The following AHI1 variants were observed in gnomAD, a reference collection of about 807,000 sequenced individuals.
AHI1 encodes Abelson helper integration site 1.
AHI1 carries 123 observed loss-of-function variants against 149.3 expected under a neutral mutation model. The ratio of observed to expected loss-of-function variants is 0.82; its 90% confidence interval spans 0.71 to 0.96. The LOEUF (loss-of-function observed/expected upper bound fraction) is 0.96, where lower values mean the gene tolerates loss of function less well. Ranked by LOEUF, AHI1 falls within the 40% of genes least tolerant of loss-of-function variation. The pLI, the probability that AHI1 is intolerant of heterozygous loss-of-function variation, is 0.00. For missense variants in AHI1, 1,439 were observed against 1,422.7 expected, an observed-to-expected ratio of 1.01 and a Z score of -0.18; for synonymous variants, 475 against 459.8, an observed-to-expected ratio of 1.03 and a Z score of -0.42.
intron 23 of AHI1, among the ~76,000 whole-genome samples, chr6:135,376,843 T>C (rs1384213077): frequency 1.6e-5 from 2 of 122,784 alleles, no homozygotes; most frequent in African/African-American, 3.3e-5. Flanking sequence ...GATCGCATCA[T>C]TGCAATCCAG....
At chr6:135,316,269 A>C (rs530745627) in intron 26 of AHI1, among the ~76,000 whole-genome samples, 2 of 152,108 alleles carry the variant, frequency 1.3e-5, no homozygotes, top group African/African-American at 4.8e-5. Flanking sequence ...TTAATATATA[A>C]TTTTACATCT....
In AHI1 at chr6:135,482,894, CTT is replaced by C. The variant is rs761997683; in HGVS notation, c.135+7727_135+7728del. ...TTCAACCAGTATAATCCATTTAAGG[CTT>C]TTTTTTTTTTTTTGAGACAGAGTCT... is the stretch of plus-strand genomic sequence containing the variant. On this transcript the variant is annotated intron_variant, in intron 5 of 28. Coordinates refer to ENST00000265602, the MANE Select transcript of AHI1 (RefSeq NM_001134831.2). Among the ~76,000 whole-genome samples, 15 of 55,734 alleles carry C rather than the reference CTT, an allele frequency of 2.7e-4. 2 individuals are homozygous for C. The highest frequency in any genetic ancestry group is 4.2e-4 in the Non-Finnish European group (15 of 35,358). 36.6% of individuals were successfully genotyped at this position (55,734 alleles called of 152,430 possible).
chr6:135,482,103 CCA>C (rs1239949005), intron 5 of AHI1, among the ~76,000 whole-genome samples: 2 of 151,950 alleles, frequency 1.3e-5, no homozygotes, highest in Admixed American at 6.6e-5. Context: ...TGTATTGTTT[CCA>C]CACAGTCTAC....
intron 27 of AHI1, among the ~76,000 whole-genome samples, chr6:135,293,560 G>A (rs1166440228): frequency 6.7e-6 from 1 of 149,928 alleles, no homozygotes; most frequent in Non-Finnish European, 1.5e-5. Flanking sequence ...GAGTTTAGTA[G>A]GTTCGCATAA....
intron 23 of AHI1, among the ~76,000 whole-genome samples, chr6:135,376,881 C>CA (rs1167083326): frequency 0.015 from 455 of 29,444 alleles, 127 homozygotes; most frequent in Non-Finnish European, 0.017. Context: ...GACTCCATCT[C>CA]AAAAAAAAAA....
chr6:135,453,292 T>C (rs747167185), intron 11 of AHI1, 49 bp downstream of exon 11: 267 of 1,416,422 alleles, frequency 1.9e-4, no homozygotes, highest in Non-Finnish European at 2.4e-4. Flanking sequence ...AGCAGCCAAC[T>C]AAATTTGAAG....
chr6:135,470,900 A>G (rs979618796), intron 5 of AHI1, among the ~76,000 whole-genome samples: 3 of 152,178 alleles, frequency 2.0e-5, no homozygotes, highest in Non-Finnish European at 4.4e-5. Flanking sequence ...CAAGTCCTAC[A>G]CATGTATCCT....
At chr6:135,428,106 T>C (rs1784155767) in intron 19 of AHI1, among the ~76,000 whole-genome samples, 1 of 151,706 alleles carries the variant, frequency 6.6e-6, no homozygotes, top group Non-Finnish European at 1.5e-5. Context: ...AGCTTTAGCT[T>C]TTCTTTTGAA....
intron 19 of AHI1, among the ~76,000 whole-genome samples, 165 bp downstream of exon 19, chr6:135,428,464 G>A (rs138612060): frequency 1.3e-5 from 2 of 151,618 alleles, no homozygotes; most frequent in East Asian, 3.8e-4. Context: ...TACAAGTTTA[G>A]ACTGTAGCTG....
intron 17 of AHI1, 57 bp from the exon 18 acceptor site, chr6:135,430,057 T>C (rs1162079783): frequency 1.1e-6 from 1 of 909,204 alleles, no homozygotes; most frequent in Non-Finnish European, 1.7e-6. Context: ...TTAAACTTTT[T>C]TGGGGGTACA....
chr6:135,438,620 AT>A (rs1419357732), intron 14 of AHI1, 122 bp from the exon 15 acceptor site: 54 of 762,986 alleles, frequency 7.1e-5, no homozygotes, highest in Non-Finnish European at 8.6e-5. Flanking sequence ...AACCAAAGAC[AT>A]TTGCAGCACA....
intron 26 of AHI1, chr6:135,302,724 C>T: frequency 7.9e-7 from 1 of 1,269,954 alleles, no homozygotes; most frequent in Non-Finnish European, 1.0e-6. Flanking sequence ...ATTCCTTGGT[C>T]TCAGCAGCAG....
chr6:135,380,291 A>G (rs1050113223), intron 23 of AHI1, among the ~76,000 whole-genome samples: 1 of 152,098 alleles, frequency 6.6e-6, no homozygotes. Context: ...ATGAACACAT[A>G]GACTTTTTTC....
chr6:135,487,776 A>AT (rs1198106407), intron 5 of AHI1, among the ~76,000 whole-genome samples: 1 of 152,104 alleles, frequency 6.6e-6, no homozygotes, highest in African/African-American at 2.4e-5. Flanking sequence ...CCTTCTAACT[A>AT]TATTTTTGTA....
chr6:135,409,021 T>C (rs1023464907), intron 21 of AHI1, among the ~76,000 whole-genome samples: 5 of 152,194 alleles, frequency 3.3e-5, no homozygotes, highest in Non-Finnish European at 7.4e-5. Context: ...ACTTTTCTTA[T>C]GAGTAGTGAG....
At chr6:135,295,036 A>G (rs1392816504) in intron 27 of AHI1, among the ~76,000 whole-genome samples, 1 of 152,250 alleles carries the variant, frequency 6.6e-6, no homozygotes, top group Admixed American at 6.5e-5. Context: ...CATAGTTGAT[A>G]AAGAACATAT....
intron 21 of AHI1, among the ~76,000 whole-genome samples, chr6:135,406,290 A>T (rs1291677327): frequency 6.6e-6 from 1 of 152,188 alleles, no homozygotes; most frequent in Non-Finnish European, 1.5e-5. Flanking sequence ...TTTTATCTAT[A>T]AATTTCTAAG....
rs1217878062 is a variant in AHI1, at chr6:135,300,276, G to C, written c.3485+224C>G. Reference sequence around the variant, plus strand: ...GGAGGTGGAGGTTGCAGTGAGCTGAGATTGTGCCACGGCACTCCAGCCTGG... The same window carrying C: ...GGAGGTGGAGGTTGCAGTGAGCTGACATTGTGCCACGGCACTCCAGCCTGG... On this transcript the variant is annotated intron_variant, in intron 27 of 28. Coordinates refer to ENST00000265602, the MANE Select transcript of AHI1 (RefSeq NM_001134831.2). Among the ~76,000 whole-genome samples the C allele has an allele frequency of 1.1e-4, 16 of 146,794 alleles. No individual in the cohort carries two copies. In the Admixed American group the frequency reaches 1.1e-3, roughly 10 times the overall value.
intron 24 of AHI1, among the ~76,000 whole-genome samples, chr6:135,336,831 C>T (rs1262489029): frequency 6.6e-6 from 1 of 152,064 alleles, no homozygotes; most frequent in African/African-American, 2.4e-5. Context: ...AGGTATCTAC[C>T]ATTTACTTAA....
Sources: gnomAD v4.1 joint callset for allele counts (sites outside exome capture counted in the v4.1 genomes callset) on GRCh38, gnomAD v4.1.1 for gene constraint, MANE v1.5 for transcripts, NCBI Gene and HGNC (gene_info 2026-07-23, HGNC 2026-07-21) for gene names.